Variants in CDKL5 observed in about 807,000 individuals in gnomAD.
CDKL5 encodes the protein cyclin-dependent kinase-like 5.
A neutral mutation model predicts 61.7 loss-of-function variants in CDKL5; 8 were observed. The observed-to-expected ratio is 0.13, with a 90% CI of 0.08 to 0.23. CDKL5 has a LOEUF of 0.23. CDKL5 is among the 10% of genes least tolerant of loss of function. The pLI is 1.00. For missense variants in CDKL5, 440 were observed against 734.5 expected, an observed-to-expected ratio of 0.60 and a Z score of 4.63; for synonymous variants, 275 against 272.3, an observed-to-expected ratio of 1.01 and a Z score of -0.10.
chrX:18,651,220 A>AGT (rs3838188), intron 21 of CDKL5, among the ~76,000 whole-genome samples: 4,217 of 65,039 alleles, frequency 0.065, 168 homozygotes, highest in Non-Finnish European at 0.09. Flanking sequence ...GGCAGGAGCA[A>AGT]GTGTGTGTGT....
rs531463857 is a variant in CDKL5 at position 18,626,591 on chromosome X, T to C, written c.2496+1344T>C. ...AGGGCCTGCTTCTCTATTCCCAATT[T>C]CAAAACAAAACAAAAAGAATAGAGA... On this transcript the variant is annotated intron_variant, in intron 17 of 17. Transcript: ENST00000623535. Among the ~76,000 whole-genome samples the C allele has an allele frequency of 4.4e-3, 469 of 105,858 alleles. 2 individuals are homozygous for C. The Middle Eastern group carries it at 0.046, about 10-fold the overall frequency. 91.9% of individuals were successfully genotyped at this position (105,858 alleles called of 115,157 possible).
At chrX:18,519,211 T>A (rs1223336929) in intron 3 of CDKL5, among the ~76,000 whole-genome samples, 1 of 112,213 alleles carries the variant, frequency 8.9e-6, no homozygotes, top group Non-Finnish European at 1.9e-5. Flanking sequence ...TAAAGTTTTG[T>A]TGGAATGCAG....
At chrX:18,642,814 C>T (rs1927632415), downstream of CDKL5, among the ~76,000 whole-genome samples, 2 of 109,198 alleles carry the variant, frequency 1.8e-5, no homozygotes, top group African/African-American at 3.3e-5. Flanking sequence ...CGGAGGCGGG[C>T]GGATCGTTTG....
At chrX:18,560,984 T>C (rs1924786119) in intron 3 of CDKL5, among the ~76,000 whole-genome samples, 1 of 112,016 alleles carries the variant, frequency 8.9e-6, no homozygotes, top group Non-Finnish European at 1.9e-5. Flanking sequence ...TGATGCCTTA[T>C]GTGATAGTAT....
At chrX:18,503,727 C>A (rs1017611007) in intron 1 of CDKL5, among the ~76,000 whole-genome samples, 8 of 111,782 alleles carry the variant, frequency 7.2e-5, no homozygotes, top group African/African-American at 2.6e-4. Flanking sequence ...CAGCTATAAC[C>A]CACAAGGATG....
chrX:18,620,635 G>A (rs1014339514), intron 16 of CDKL5, among the ~76,000 whole-genome samples: 1 of 111,780 alleles, frequency 8.9e-6, no homozygotes, highest in Non-Finnish European at 1.9e-5. Context: ...AGAACCTTGG[G>A]GAAACCCGGC....
chrX:18,652,605 C>G (rs1341774156), intron 21 of CDKL5, among the ~76,000 whole-genome samples: 16 of 111,092 alleles, frequency 1.4e-4, no homozygotes, highest in Non-Finnish European at 2.5e-4. Flanking sequence ...GGAGGCAGAG[C>G]TTGCAGTGAG....
chrX:18,546,512 C>T (rs1924206673), intron 3 of CDKL5, among the ~76,000 whole-genome samples: 1 of 111,633 alleles, frequency 9.0e-6, no homozygotes, highest in Non-Finnish European at 1.9e-5. Flanking sequence ...ATCCACCTGC[C>T]TCAGCCTCCC....
chrX:18,551,007 A>G (rs771480975), intron 3 of CDKL5, among the ~76,000 whole-genome samples: 1 of 112,099 alleles, frequency 8.9e-6, no homozygotes, highest in African/African-American at 3.2e-5. Flanking sequence ...CTCAAATTTT[A>G]TATGATCTAT....
rs1219287020 is a variant in CDKL5 at position 18,509,238 on chromosome X, CACA to C, written c.65-1581_65-1579del. On this transcript the variant is annotated intron_variant, in intron 2 of 17. Transcript: ENST00000623535. ...ACACACACACACACACACACACACA[CACA>C]CACACCCCTGTCAAGCAAACTCTGC... 6.5e-5 allele frequency among the ~76,000 whole-genome samples: 7 copies of C among 107,672 alleles called. No homozygotes were observed. The East Asian group carries it at 1.8e-3, about 28-fold the overall frequency. The allele number at this position is 107,672 out of a possible 115,157, so 93.5% of individuals were successfully genotyped here. A position where few individuals can be genotyped will look rare whatever the true frequency, so the allele number is the denominator to read the frequency against.
At chrX:18,610,900 G>C (rs762612956) in intron 14 of CDKL5, among the ~76,000 whole-genome samples, 1 of 111,957 alleles carries the variant, frequency 8.9e-6, no homozygotes, top group South Asian at 3.7e-4. Flanking sequence ...CACTATTTCT[G>C]TTGTTTTAAG....
Position 18,439,906 on chromosome X carries a change from A to G in CDKL5, c.-163+14211A>G, listed in dbSNP as rs1186213093. Among the ~76,000 whole-genome samples the G allele has an allele frequency of 3.1e-5, 3 of 96,044 alleles. No individual in the cohort carries two copies. In the Admixed American group the frequency reaches 3.3e-4, roughly 11 times the overall value. The allele number at this position is 96,044 out of a possible 115,157, so 83.4% of individuals were successfully genotyped here. A position where few individuals can be genotyped will look rare whatever the true frequency, so the allele number is the denominator to read the frequency against. ...TTAAGTGTGCAATAACATTATGTCT[A>G]AAAAAAAAAAGCACATACTTTAATT... On this transcript the variant is annotated intron_variant, in intron 1 of 17. Coordinates refer to ENST00000623535, the MANE Select transcript of CDKL5 (RefSeq NM_001323289.2).
intron 1 of CDKL5, among the ~76,000 whole-genome samples, chrX:18,431,382 A>G (rs1045196684): frequency 9.0e-5 from 10 of 111,241 alleles, no homozygotes; most frequent in African/African-American, 2.6e-4. Flanking sequence ...CCATATTTCT[A>G]CACAGGTGGG....
At chrX:18,569,458 T>C (rs954308164) in intron 4 of CDKL5, among the ~76,000 whole-genome samples, 8 of 112,172 alleles carry the variant, frequency 7.1e-5, no homozygotes, top group African/African-American at 2.3e-4. Context: ...AAGGTACTTT[T>C]CAGACTATGT....
intron 1 of CDKL5, 94 bp downstream of exon 1, chrX:18,425,789 C>T (rs1931347206): frequency 8.9e-6 from 1 of 112,207 alleles, no homozygotes; most frequent in African/African-American, 3.2e-5. Flanking sequence ...GAGACCCACC[C>T]AGTCCCCCCG....
intron 1 of CDKL5, among the ~76,000 whole-genome samples, chrX:18,490,730 G>T (rs189183171): frequency 4.5e-5 from 5 of 111,655 alleles, no homozygotes; most frequent in South Asian, 7.5e-4. Flanking sequence ...ATCAATTAAT[G>T]GTCTTGATGA....
At chrX:18,448,853 T>A (rs951748376) in intron 1 of CDKL5, among the ~76,000 whole-genome samples, 2 of 112,083 alleles carry the variant, frequency 1.8e-5, no homozygotes, top group African/African-American at 6.5e-5. Context: ...TTTATTTTTT[T>A]AAATTTATTT....
chrX:18,615,891 A>G (rs182441406), intron 15 of CDKL5, among the ~76,000 whole-genome samples: 11 of 112,513 alleles, frequency 9.8e-5, no homozygotes, highest in Non-Finnish European at 1.9e-4. Flanking sequence ...TTGCAGTATG[A>G]TATCCAGAGC....
rs1257834480 is a variant in CDKL5, at chrX:18,536,863, C to G, written c.99+26009C>G. ...CACATCTTCATTTAAGCAAAATAGG[C>G]TAGAATCAGAATTTTAGAAATGAAA... On this transcript the variant is annotated intron_variant, in intron 3 of 17. Coordinates refer to ENST00000623535, the MANE Select transcript of CDKL5 (RefSeq NM_001323289.2). 6.3e-5 allele frequency among the ~76,000 whole-genome samples: 7 copies of G among 111,162 alleles called. No homozygotes were observed. The Admixed American group carries it at 6.7e-4, about 11-fold the overall frequency.
Sources: gnomAD v4.1 joint callset for allele counts (sites outside exome capture counted in the v4.1 genomes callset) on GRCh38, gnomAD v4.1.1 for gene constraint, MANE v1.5 for transcripts, NCBI Gene and HGNC (gene_info 2026-07-23, HGNC 2026-07-21) for gene names.